LRRC49: variants seen among roughly 807,000 people sequenced by gnomAD.
The protein encoded by LRRC49 is leucine-rich repeat-containing protein 49.
LRRC49 carries 50 observed loss-of-function variants against 83.3 expected under a neutral mutation model. The ratio of observed to expected loss-of-function variants is 0.60; its 90% CI spans 0.48 to 0.76. The LOEUF (loss-of-function observed/expected upper bound fraction) is 0.76, where lower values mean the gene tolerates loss of function less well. Among genes scored for constraint, LRRC49 ranks in the 30% least tolerant of loss-of-function variants. The pLI, the probability that LRRC49 is intolerant of heterozygous loss-of-function variation, is 0.00. For synonymous variants in LRRC49, 286 were observed against 283.3 expected (o/e 1.01, Z -0.10); for missense variants, 704 against 809.1 (o/e 0.87, Z 1.58).
chr15:70,979,296 G>A (rs1241188423), intron 9 of LRRC49, among the ~76,000 whole-genome samples: 5 of 152,018 alleles, frequency 3.3e-5, no homozygotes, highest in Non-Finnish European at 5.9e-5. Flanking sequence ...TAAACTGTTT[G>A]TAAGGTTATT....
intron 8 of LRRC49, among the ~76,000 whole-genome samples, chr15:70,959,433 G>A (rs2036518194): frequency 6.6e-6 from 1 of 151,036 alleles, no homozygotes; most frequent in Non-Finnish European, 1.5e-5. Flanking sequence ...GGAGGTTGCA[G>A]TGAGCCGAGA....
At chr15:70,938,421 T>C (rs2141160564) in intron 8 of LRRC49, among the ~76,000 whole-genome samples, 1 of 152,320 alleles carries the variant, frequency 6.6e-6, no homozygotes, top group East Asian at 1.9e-4. Context: ...GATTGCTTTC[T>C]TTGTGTTTTT....
intron 1 of LRRC49, among the ~76,000 whole-genome samples, chr15:70,872,427 G>C (rs2033068978): frequency 1.3e-5 from 2 of 151,858 alleles, no homozygotes; most frequent in Admixed American, 1.3e-4. Context: ...AGAGGAGGAG[G>C]GGGAGGGCGA....
At chr15:70,909,171 A>T (rs1454548728) in intron 5 of LRRC49, among the ~76,000 whole-genome samples, 2 of 152,216 alleles carry the variant, frequency 1.3e-5, no homozygotes, top group Non-Finnish European at 2.9e-5. Flanking sequence ...AATCTCCATT[A>T]TCCCTGATGT....
chr15:70,986,025 T>G (rs988184261), intron 11 of LRRC49, among the ~76,000 whole-genome samples: 45 of 151,816 alleles, frequency 3.0e-4, no homozygotes, highest in African/African-American at 1.0e-3. Flanking sequence ...CTGTTTTGGT[T>G]ATTGTAGCCT....
At chr15:70,939,598 G>T (rs992268713) in intron 8 of LRRC49, among the ~76,000 whole-genome samples, 1 of 152,084 alleles carries the variant, frequency 6.6e-6, no homozygotes, top group African/African-American at 2.4e-5. Flanking sequence ...GGGTTAGGGT[G>T]GTGGGTGTGG....
chr15:70,896,404 G>T (rs564014261), intron 3 of LRRC49, among the ~76,000 whole-genome samples: 1 of 152,180 alleles, frequency 6.6e-6, no homozygotes, highest in East Asian at 1.9e-4. Flanking sequence ...TGTTAAAAAT[G>T]CACATTCTTA....
intron 5 of LRRC49, among the ~76,000 whole-genome samples, chr15:70,910,761 G>C (rs980448726): frequency 1.3e-5 from 2 of 151,998 alleles, no homozygotes; most frequent in African/African-American, 4.8e-5. Context: ...ATATTTATTG[G>C]GTACCTACTT....
At chr15:70,915,251 G>T (rs1465167536) in intron 6 of LRRC49, among the ~76,000 whole-genome samples, 1 of 152,102 alleles carries the variant, frequency 6.6e-6, no homozygotes, top group Non-Finnish European at 1.5e-5. Flanking sequence ...TTTAAAATAT[G>T]GGTCTATATA....
intron 3 of LRRC49, among the ~76,000 whole-genome samples, chr15:70,897,115 C>T (rs186900113): frequency 6.6e-6 from 1 of 152,146 alleles, no homozygotes; most frequent in African/African-American, 2.4e-5. Flanking sequence ...AAAGTTTTCC[C>T]GAAACCATGA....
chr15:70,964,672 C>T (rs2036731886), intron 9 of LRRC49, among the ~76,000 whole-genome samples: 1 of 152,108 alleles, frequency 6.6e-6, no homozygotes. Context: ...CCAAGAAGTT[C>T]TGTAATTAAA....
intron 7 of LRRC49, among the ~76,000 whole-genome samples, chr15:70,920,015 CTG>C (rs1324262824): frequency 1.3e-5 from 2 of 152,166 alleles, no homozygotes; most frequent in Non-Finnish European, 2.9e-5. Context: ...AGAAATATAA[CTG>C]TTCTGCTTTG....
chr15:71,031,237 C>G (rs528571590), intron 14 of LRRC49, among the ~76,000 whole-genome samples: 136 of 152,334 alleles, frequency 8.9e-4, no homozygotes, highest in South Asian at 3.1e-3. Context: ...AGTTTTTCTT[C>G]TAACAGTCAG....
At chr15:70,930,115 C>T (rs1306065753) in intron 7 of LRRC49, among the ~76,000 whole-genome samples, 1 of 152,074 alleles carries the variant, frequency 6.6e-6, no homozygotes, top group African/African-American at 2.4e-5. Flanking sequence ...TTGCCCAGAT[C>T]CAGTAGAGGA....
intron 11 of LRRC49, among the ~76,000 whole-genome samples, chr15:70,993,153 G>A (rs1042299529): frequency 1.3e-5 from 2 of 152,212 alleles, no homozygotes; most frequent in Non-Finnish European, 2.9e-5. Flanking sequence ...AATGAGCGAG[G>A]CTCTGTGGAC....
At chr15:70,974,264 A>T (rs2037125250) in intron 9 of LRRC49, among the ~76,000 whole-genome samples, 1 of 152,270 alleles carries the variant, frequency 6.6e-6, no homozygotes, top group African/African-American at 2.4e-5. Flanking sequence ...AATTACAAAT[A>T]GACCTTGTTA....
intron 3 of LRRC49, chr15:70,898,386 G>A (rs1412377742): frequency 1.4e-6 from 1 of 700,864 alleles, no homozygotes. Context: ...AGAATATAAA[G>A]AATGTAAAAT....
chr15:71,049,391 TTC>T lies in LRRC49; in HGVS notation c.1858-14_1858-13del. 9 of 1,500,700 alleles carry T rather than the reference TTC, an allele frequency of 6.0e-6. No homozygotes were observed. The highest frequency in any genetic ancestry group is 2.3e-5 in the East Asian group (1 of 44,256). 93.0% of individuals were successfully genotyped at this position (1,500,700 alleles called of 1,614,324 possible). A position where few individuals can be genotyped will look rare whatever the true frequency, so the allele number is the denominator to read the frequency against. On this transcript the variant is annotated splice_polypyrimidine_tract_variant and intron_variant, in intron 15 of 15. Transcript: ENST00000260382. Reference sequence around the variant, plus strand: ...ATTAGTTATGATTTAATACAAAACTTTCTCTTTTTTTTAACAGGAAATAAAGG... The same window carrying T: ...ATTAGTTATGATTTAATACAAAACTTTCTTTTTTTTAACAGGAAATAAAGG...
intron 7 of LRRC49, among the ~76,000 whole-genome samples, chr15:70,920,275 G>A (rs147677812): frequency 1.2e-4 from 19 of 152,262 alleles, no homozygotes; most frequent in African/African-American, 4.1e-4. Context: ...GTACAGATTG[G>A]TTTTATTTTG....
Sources: gnomAD v4.1 joint callset for allele counts (sites outside exome capture counted in the v4.1 genomes callset) on GRCh38, gnomAD v4.1.1 for gene constraint, MANE v1.5 for transcripts, NCBI Gene and HGNC (gene_info 2026-07-23, HGNC 2026-07-21) for gene names.